The following ANXA13 variants were observed in gnomAD, a reference collection of about 807,000 sequenced individuals.
The protein encoded by ANXA13 is annexin XIII.
ANXA13 carries 36 observed loss-of-function variants against 46.6 expected under a neutral mutation model. That is an observed-to-expected ratio of 0.77 (90% CI 0.59 to 1.02). The LOEUF is 1.02. ANXA13 is among the 50% of genes least tolerant of loss of function. The pLI is 0.00. For synonymous variants in ANXA13, 163 were observed against 152.9 expected, an observed-to-expected ratio of 1.07 and a Z score of -0.49; for missense variants, 417 against 396.5, an observed-to-expected ratio of 1.05 and a Z score of -0.44.
intron 10 of ANXA13, among the ~76,000 whole-genome samples, chr8:123,681,615 A>G (rs554389477): frequency 5.1e-5 from 7 of 136,984 alleles, no homozygotes; most frequent in African/African-American, 1.9e-4. Flanking sequence ...AAACTCTTGA[A>G]TTTCTTTTTT....
chr8:123,702,784 G>A (rs2129870367), intron 2 of ANXA13, 48 bp from the exon 3 acceptor site: 1 of 1,553,672 alleles, frequency 6.4e-7, no homozygotes, highest in Non-Finnish European at 8.9e-7. Context: ...AAGAAACAAG[G>A]TGGAAGTTTA....
intron 9 of ANXA13, 83 bp from the exon 10 acceptor site, chr8:123,684,805 T>A (rs748682421): frequency 4.0e-6 from 4 of 989,094 alleles, no homozygotes; most frequent in Non-Finnish European, 6.5e-6. Context: ...GTCACCTGGC[T>A]GCCCTTCGAG....
At chr8:123,704,748 C>T (rs1283667704) in intron 2 of ANXA13, among the ~76,000 whole-genome samples, 3 of 152,162 alleles carry the variant, frequency 2.0e-5, no homozygotes, top group Admixed American at 2.0e-4. Context: ...CTTTGTACCT[C>T]CTTTCCCAGT....
rs748065321 is a variant in ANXA13, at chr8:123,693,793, C to T, written c.472-14G>A. Reference sequence around the variant, plus strand: ...ATTGCGATTAGCCTAGAAAAATTGACACATTGTTATTAACTTGCATTCCTG... The same window carrying T: ...ATTGCGATTAGCCTAGAAAAATTGATACATTGTTATTAACTTGCATTCCTG... On this transcript the variant is annotated splice_polypyrimidine_tract_variant and intron_variant, in intron 6 of 10. Transcript: ENST00000419625. 1.9e-6 allele frequency: 3 copies of T among 1,611,846 alleles called. No individual in the cohort carries two copies. Among genetic ancestry groups the T allele is most frequent in the East Asian group, 2.2e-5 (1 of 44,868 alleles).
intron 9 of ANXA13, 126 bp downstream of exon 9, chr8:123,688,745 C>T: frequency 1.3e-6 from 1 of 783,038 alleles, no homozygotes; most frequent in South Asian, 1.5e-5. Flanking sequence ...CTCTCTTGCT[C>T]AGTGCTGCTT....
chr8:123,697,320 G>C (rs1457391218), intron 4 of ANXA13, among the ~76,000 whole-genome samples: 1 of 152,180 alleles, frequency 6.6e-6, no homozygotes, highest in African/African-American at 2.4e-5. Context: ...GGTGGATGCT[G>C]AGTGGGGGAA....
At chr8:123,736,194 G>A (rs1471192862) in intron 1 of ANXA13, among the ~76,000 whole-genome samples, 5 of 152,190 alleles carry the variant, frequency 3.3e-5, no homozygotes, top group South Asian at 2.1e-4. Context: ...AATATATAGC[G>A]AAGGAAAAAC....
At chr8:123,712,434 T>A in intron 2 of ANXA13, 1 of 542,504 alleles carries the variant, frequency 1.8e-6, no homozygotes, top group Non-Finnish European at 3.3e-6. Context: ...TTCTCTCACC[T>A]CAAGTTCAAA....
At chr8:123,729,209 T>C (rs1242144259) in intron 1 of ANXA13, 1 of 152,220 alleles carries the variant, frequency 6.6e-6, no homozygotes, top group African/African-American at 2.4e-5. Context: ...AATCTGGAGC[T>C]ATGTGAGGCC....
intron 10 of ANXA13, 75 bp from the exon 11 acceptor site, chr8:123,681,434 A>G: frequency 2.8e-6 from 4 of 1,429,294 alleles, no homozygotes; most frequent in Non-Finnish European, 2.9e-6. Flanking sequence ...TGTTCTACAC[A>G]TGTTATACTC....
intron 2 of ANXA13, among the ~76,000 whole-genome samples, chr8:123,702,978 A>G (rs1289616940): frequency 6.6e-6 from 1 of 152,220 alleles, no homozygotes; most frequent in African/African-American, 2.4e-5. Flanking sequence ...TGTGGTGGAA[A>G]GAGGAACGAG....
intron 4 of ANXA13, among the ~76,000 whole-genome samples, chr8:123,696,478 G>T (rs1447123509): frequency 1.3e-5 from 2 of 152,106 alleles, no homozygotes; most frequent in Non-Finnish European, 2.9e-5. Context: ...TCAATGTCTG[G>T]TGCCAAGGGG....
At chr8:123,709,654 C>G (rs1374688670) in intron 2 of ANXA13, among the ~76,000 whole-genome samples, 1 of 152,192 alleles carries the variant, frequency 6.6e-6, no homozygotes, top group African/African-American at 2.4e-5. Flanking sequence ...GTAGCCATAG[C>G]TTGTACTACT....
chr8:123,715,487 A>G (rs1473572037), intron 1 of ANXA13, among the ~76,000 whole-genome samples: 4 of 152,226 alleles, frequency 2.6e-5, no homozygotes, highest in African/African-American at 7.2e-5. Flanking sequence ...GCTGTTCTCT[A>G]TGTCCTGTTA....
At chr8:123,714,173 C>T (rs1429558227) in intron 1 of ANXA13, among the ~76,000 whole-genome samples, 1 of 152,174 alleles carries the variant, frequency 6.6e-6, no homozygotes, top group Non-Finnish European at 1.5e-5. Flanking sequence ...CTCCTTATTT[C>T]CCCTTCCCCC....
At chr8:123,700,011 G>A (rs1813413009) in intron 3 of ANXA13, among the ~76,000 whole-genome samples, 3 of 152,324 alleles carry the variant, frequency 2.0e-5, no homozygotes, top group South Asian at 4.1e-4. Context: ...CTAAGAGGAG[G>A]CACATCAACT....
intron 1 of ANXA13, among the ~76,000 whole-genome samples, chr8:123,724,969 C>T (rs530721627): frequency 9.8e-5 from 15 of 152,332 alleles, no homozygotes; most frequent in Admixed American, 7.8e-4. Context: ...CTGTGGCCCA[C>T]AAAGCCTCAT....
In ANXA13 at chr8:123,693,703, A is replaced by G. The variant is rs1486844646; in HGVS notation, c.540+8T>C. On this transcript the variant is annotated splice_region_variant and intron_variant, in intron 7 of 10. Coordinates refer to ENST00000419625, the MANE Select transcript of ANXA13 (RefSeq NM_004306.4). ...AATTTGCAGAGACTGGCATGTCTGC[A>G]CACATACATCATACAGATCTTTGGC... is the stretch of plus-strand genomic sequence containing the variant. 2 of 1,610,008 alleles carry G rather than the reference A, an allele frequency of 1.2e-6. No homozygotes were observed. The highest frequency in any genetic ancestry group is 1.7e-6 in the Non-Finnish European group (2 of 1,178,188).
chr8:123,707,816 C>A (rs545418573), intron 2 of ANXA13, among the ~76,000 whole-genome samples: 3 of 152,058 alleles, frequency 2.0e-5, no homozygotes, highest in Admixed American at 1.3e-4. Flanking sequence ...GAACCTTCTA[C>A]ACATGTATCC....
Sources: allele counts gnomAD v4.1 joint callset (sites outside exome capture counted in the v4.1 genomes callset), GRCh38; gene constraint gnomAD v4.1.1; transcripts MANE v1.5; gene names NCBI Gene and HGNC (gene_info 2026-07-23, HGNC 2026-07-21).